ZNF407: variants seen among roughly 807,000 people sequenced by gnomAD.
ZNF407 encodes the protein zinc finger protein 407.
A neutral mutation model predicts 131.2 loss-of-function variants in ZNF407; 17 were observed. The ratio of observed to expected loss-of-function variants is 0.13; its 90% CI spans 0.09 to 0.19. ZNF407 has a LOEUF of 0.19. Among genes scored for constraint, ZNF407 ranks in the 10% least tolerant of loss-of-function variants. ZNF407 has a pLI of 1.00. For missense variants in ZNF407, 2,681 were observed against 2,830.6 expected (o/e 0.95, Z 1.20); for synonymous variants, 1,156 against 1,062.0 (o/e 1.09, Z -1.72).
chr18:74,748,288 T>C (rs1003569161), intron 3 of ZNF407, among the ~76,000 whole-genome samples: 2 of 151,302 alleles, frequency 1.3e-5, no homozygotes, highest in African/African-American at 2.4e-5. Context: ...TTCTTTCTTT[T>C]TTTTTTTTTT....
intron 4 of ZNF407, among the ~76,000 whole-genome samples, chr18:74,847,057 T>G (rs573589646): frequency 6.6e-6 from 1 of 152,310 alleles, no homozygotes; most frequent in Admixed American, 6.5e-5. Flanking sequence ...CTCAAAATGA[T>G]TCTCTTAGGA....
At chr18:74,824,296 A>G (rs1970379986) in intron 4 of ZNF407, among the ~76,000 whole-genome samples, 1 of 152,196 alleles carries the variant, frequency 6.6e-6, no homozygotes, top group Non-Finnish European at 1.5e-5. Context: ...CATCAAAATT[A>G]AAATAACTAA....
intron 7 of ZNF407, among the ~76,000 whole-genome samples, chr18:74,897,578 A>G (rs2145204340): frequency 6.6e-6 from 1 of 152,330 alleles, no homozygotes; most frequent in Non-Finnish European, 1.5e-5. Context: ...GTAGTTAGAT[A>G]TATCTGTATA....
chr18:74,881,596 T>C (rs943770007), intron 6 of ZNF407, among the ~76,000 whole-genome samples: 2 of 151,812 alleles, frequency 1.3e-5, no homozygotes, highest in East Asian at 3.9e-4. Flanking sequence ...CCTGTCTCCC[T>C]CCCCACCCGC....
In ZNF407 at chr18:74,981,403, C is replaced by T. The variant is rs574056083; in HGVS notation, c.5428+60711C>T. Among the ~76,000 whole-genome samples the T allele has an allele frequency of 3.9e-4, 60 of 152,348 alleles. 3 individuals are homozygous for T. Among genetic ancestry groups the T allele is most frequent in the Admixed American group, 2.6e-4 (4 of 15,310 alleles). On this transcript the variant is annotated intron_variant, in intron 8 of 8. Coordinates refer to ENST00000299687, the MANE Select transcript of ZNF407 (RefSeq NM_017757.3). ...ATGCTCATAACTCAATATCACTCTG[C>T]TCGAGACCCGAGGGCCACCAAGGAA...
At chr18:74,974,987 A>T (rs762873544) in intron 8 of ZNF407, among the ~76,000 whole-genome samples, 3 of 152,238 alleles carry the variant, frequency 2.0e-5, no homozygotes, top group Non-Finnish European at 4.4e-5. Flanking sequence ...TACACTGTAT[A>T]GAACTGCCAG....
chr18:74,685,015 CTCA>C (rs1469470968), intron 3 of ZNF407, among the ~76,000 whole-genome samples: 1 of 152,120 alleles, frequency 6.6e-6, no homozygotes, highest in Non-Finnish European at 1.5e-5. Flanking sequence ...CAGTGTGGCA[CTCA>C]TCATAAACAT....
Position 74,631,912 on chromosome 18 carries a change from C to T in ZNF407, c.893C>T (p.Thr298Ile). The change falls in exon 2 of 9, where the codon ACA becomes ATA. Residue 298 changes from threonine to isoleucine, a missense_variant. Physicochemically the swap from Thr to Ile is moderately conservative, Grantham distance 89. Around this residue, in one of 6 missense-constraint regions of ZNF407, gnomAD observed 1,789 missense variants for 1,748.7 expected, o/e 1.02. Coordinates refer to ENST00000299687, the MANE Select transcript of ZNF407 (RefSeq NM_017757.3). ...PFPKKSRTMA[T>I]KNVHSKPRTS... ...CCTAAAAAATCACGTACAATGGCAA[C>T]AAAAAATGTTCACTCAAAACCAAGA... 1 of 1,613,530 alleles carries T rather than the reference C, an allele frequency of 6.2e-7. No individual in the cohort carries two copies. The highest frequency in any genetic ancestry group is 8.5e-7 in the Non-Finnish European group (1 of 1,179,786).
intron 1 of ZNF407, among the ~76,000 whole-genome samples, chr18:74,610,617 TC>T (rs1712774833): frequency 6.6e-6 from 1 of 152,200 alleles, no homozygotes; most frequent in African/African-American, 2.4e-5. Flanking sequence ...ATGGCTCATC[TC>T]GGCTCACTGC....
chr18:74,756,814 T>G (rs957389000), intron 3 of ZNF407, among the ~76,000 whole-genome samples: 1 of 152,154 alleles, frequency 6.6e-6, no homozygotes, highest in African/African-American at 2.4e-5. Flanking sequence ...ATTTCTTGTT[T>G]AGTTGTGCTT....
Position 74,901,868 on chromosome 18 carries a change from T to C in ZNF407, c.5249+11830T>C, listed in dbSNP as rs1372129637. On this transcript the variant is annotated intron_variant, in intron 7 of 8. Coordinates refer to ENST00000299687, the MANE Select transcript of ZNF407 (RefSeq NM_017757.3). ...AACAATCTTTTAAAACACTGTATGT[T>C]GTTCTGTAAAAAAGAGTCAACACAA... Among the ~76,000 whole-genome samples, 5 of 152,134 alleles carry C rather than the reference T, an allele frequency of 3.3e-5. No individual in the cohort carries two copies. The East Asian group carries it at 9.6e-4, about 29-fold the overall frequency.
chr18:74,700,507 C>T (rs1967467391), intron 3 of ZNF407, among the ~76,000 whole-genome samples: 1 of 152,314 alleles, frequency 6.6e-6, no homozygotes, highest in East Asian at 1.9e-4. Context: ...GTGGAGCTAA[C>T]TTTATTATTT....
At chr18:74,944,695 G>T (rs116072657) in intron 8 of ZNF407, among the ~76,000 whole-genome samples, 2 of 152,112 alleles carry the variant, frequency 1.3e-5, no homozygotes, top group Admixed American at 6.5e-5. Context: ...CTGTTGATCC[G>T]AATAGATGCC....
At chr18:74,907,001 T>G (rs1217890853) in intron 7 of ZNF407, among the ~76,000 whole-genome samples, 1 of 152,212 alleles carries the variant, frequency 6.6e-6, no homozygotes, top group Non-Finnish European at 1.5e-5. Context: ...TATGTATAAA[T>G]CTTATGTATA....
intron 8 of ZNF407, among the ~76,000 whole-genome samples, chr18:74,940,911 T>G (rs576426992): frequency 4.6e-5 from 7 of 152,302 alleles, no homozygotes; most frequent in African/African-American, 1.4e-4. Flanking sequence ...CTCAGTTTTC[T>G]TTGGTTGTTT....
At chr18:74,988,487 G>GTTTTTATATATTTTTATATATATAGATAT (rs1568293307) in intron 8 of ZNF407, among the ~76,000 whole-genome samples, 1 of 150,418 alleles carries the variant, frequency 6.6e-6, no homozygotes, top group African/African-American at 2.4e-5. Flanking sequence ...TATATAGATA[G>GTTTTTATATATTTTTATATATATAGATAT]ATATAAAATA....
intron 4 of ZNF407, among the ~76,000 whole-genome samples, chr18:74,858,012 C>T (rs1207457680): frequency 6.9e-6 from 1 of 145,738 alleles, no homozygotes; most frequent in African/African-American, 2.5e-5. Context: ...CCCTTTCTTC[C>T]TTCCCTTCCT....
At chr18:74,676,111 A>C (rs924327318) in intron 3 of ZNF407, among the ~76,000 whole-genome samples, 14 of 150,190 alleles carry the variant, frequency 9.3e-5, no homozygotes, top group Admixed American at 5.3e-4. Context: ...TTTTTTTTGG[A>C]GATGGAATCT....
chr18:74,763,870 C>T (rs951770929), intron 3 of ZNF407, among the ~76,000 whole-genome samples: 10 of 151,176 alleles, frequency 6.6e-5, no homozygotes, highest in East Asian at 1.9e-4. Context: ...CTACCACGCC[C>T]GGCTAATTTT....
Sources: allele counts gnomAD v4.1 joint callset (sites outside exome capture counted in the v4.1 genomes callset), GRCh38; gene constraint gnomAD v4.1.1; regional missense constraint gnomAD v4.1.1; transcripts MANE v1.5; gene names NCBI Gene and HGNC (gene_info 2026-07-23, HGNC 2026-07-21).